The following GLIS3 variants were observed in gnomAD, a reference collection of about 807,000 sequenced individuals.
The protein encoded by GLIS3 is GLIS family zinc finger 3.
Under a neutral mutation model 78.6 loss-of-function variants are expected in GLIS3, and 53 were observed. The ratio of observed to expected loss-of-function variants is 0.67; its 90% confidence interval spans 0.54 to 0.85. GLIS3 has a LOEUF of 0.85. Among genes scored for constraint, GLIS3 ranks in the 40% least tolerant of loss-of-function variants. GLIS3 has a pLI of 0.00. For synonymous variants in GLIS3, 684 were observed against 509.9 expected (o/e 1.34, Z -4.60); for missense variants, 1,703 against 1,231.1 (o/e 1.38, Z -5.74).
chr9:4,127,710 A>T (rs1300297867), intron 2 of GLIS3, among the ~76,000 whole-genome samples: 1 of 152,172 alleles, frequency 6.6e-6, no homozygotes, highest in Non-Finnish European at 1.5e-5. Context: ...CTCTATATGA[A>T]TTCTTTCCCC....
chr9:4,418,933 A>C, the GLIS3 span, among the ~76,000 whole-genome samples: 1 of 152,212 alleles, frequency 6.6e-6, no homozygotes, highest in Non-Finnish European at 1.5e-5. Flanking sequence ...GTAGAAATGT[A>C]GACTGTGAAG....
chr9:4,293,468 G>A (rs554899797), intron 1 of GLIS3, among the ~76,000 whole-genome samples: 1 of 152,184 alleles, frequency 6.6e-6, no homozygotes, highest in Admixed American at 6.5e-5. Flanking sequence ...CAATGACTAG[G>A]CCCTTAACCA....
At chr9:4,268,799 G>A (rs1826241425) in intron 2 of GLIS3, among the ~76,000 whole-genome samples, 1 of 152,042 alleles carries the variant, frequency 6.6e-6, no homozygotes, top group South Asian at 2.1e-4. Context: ...GTACCAGCTG[G>A]GCAGCATCTC....
the GLIS3 span, among the ~76,000 whole-genome samples, chr9:4,398,481 G>A: frequency 3.3e-5 from 5 of 151,930 alleles, no homozygotes; most frequent in African/African-American, 1.2e-4. Context: ...TTGCCTTGGG[G>A]TCGTGGACAT....
the GLIS3 span, among the ~76,000 whole-genome samples, chr9:4,428,367 T>C: frequency 6.6e-6 from 1 of 150,606 alleles, no homozygotes; most frequent in Non-Finnish European, 1.5e-5. Flanking sequence ...TAGTCCCAGA[T>C]ACTTGGGAGG....
Position 3,827,233 on chromosome 9 carries a change from A to T in GLIS3, c.*1039T>A, listed in dbSNP as rs934014780. The T allele has an allele frequency of 1.3e-5, 2 of 152,208 alleles. No homozygotes were observed. The highest frequency in any genetic ancestry group is 2.4e-5 in the African/African-American group (1 of 41,440). The allele number at this position is 152,208 out of a possible 1,614,324, so 9.4% of individuals were successfully genotyped here. On this transcript the variant is annotated 3_prime_UTR_variant, in exon 11 of 11. Transcript: ENST00000381971. ...TCCTGAAAAACGTTAGTAAAATCTG[A>T]GCACTGGAAGTCAAGTATCACTAGG...
chr9:4,102,501 A>C (rs1313397982), intron 4 of GLIS3, among the ~76,000 whole-genome samples: 1 of 152,186 alleles, frequency 6.6e-6, no homozygotes, highest in African/African-American at 2.4e-5. Flanking sequence ...CAATGCCTGA[A>C]GACATGTTTG....
rs538760033 is a variant in GLIS3, at chr9:4,253,723, C to T, written c.388+32315G>A. Among the ~76,000 whole-genome samples the T allele has an allele frequency of 5.2e-4, 79 of 152,310 alleles. 1 individual carries two copies. The highest frequency in any genetic ancestry group is 1.0e-3 in the South Asian group (5 of 4,824). On this transcript the variant is annotated intron_variant, in intron 2 of 10. Coordinates refer to ENST00000381971, the MANE Select transcript of GLIS3 (RefSeq NM_001042413.2). ...CGCCCAGTTTTGTGCTTGAAACCCACGGCCCTGGTGGTGTAGGCATCCAAG... is the reference window on the plus strand; with the variant it reads ...CGCCCAGTTTTGTGCTTGAAACCCATGGCCCTGGTGGTGTAGGCATCCAAG...
upstream of GLIS3, among the ~76,000 whole-genome samples, chr9:4,304,352 C>G (rs1817172897): frequency 6.6e-6 from 1 of 152,146 alleles, no homozygotes; most frequent in Admixed American, 6.5e-5. Context: ...TTCTGTACCC[C>G]TAGGCTTTTT....
intron 4 of GLIS3, among the ~76,000 whole-genome samples, chr9:4,000,555 A>G (rs961983277): frequency 2.0e-5 from 3 of 152,072 alleles, no homozygotes; most frequent in African/African-American, 7.2e-5. Context: ...ACCAGAGGGT[A>G]GAAAATATCT....
chr9:3,882,834 A>T (rs533569371), intron 7 of GLIS3, among the ~76,000 whole-genome samples: 2 of 152,320 alleles, frequency 1.3e-5, no homozygotes, highest in African/African-American at 4.8e-5. Flanking sequence ...CTTCTCTGGA[A>T]AACAAGGTCT....
At chr9:4,093,608 G>T (rs1190666650) in intron 4 of GLIS3, among the ~76,000 whole-genome samples, 1 of 152,112 alleles carries the variant, frequency 6.6e-6, no homozygotes. Context: ...GCCTTCTAGT[G>T]GTATGATAAG....
At position 4,286,526 on chromosome 9, in the gene GLIS3, G is replaced by C; in HGVS notation, c.-98-3C>G. On this transcript the variant is annotated splice_region_variant and splice_polypyrimidine_tract_variant and intron_variant, in intron 1 of 10. Transcript: ENST00000381971. ...TATCCATGGTGTGGGTTATAAGCCT[G>C]TTTAAAAAAATAAACGCAGGCATTT... The C allele has an allele frequency of 7.0e-7, 1 of 1,419,370 alleles. No homozygotes were observed. Among genetic ancestry groups the C allele is most frequent in the Non-Finnish European group, 9.7e-7 (1 of 1,025,830 alleles). 87.9% of individuals were successfully genotyped at this position (1,419,370 alleles called of 1,614,324 possible).
the GLIS3 span, among the ~76,000 whole-genome samples, chr9:4,422,909 G>T: frequency 1.3e-5 from 2 of 152,272 alleles, no homozygotes; most frequent in East Asian, 1.9e-4. Context: ...TGAACCCCAG[G>T]ACCCAGACTT....
intron 2 of GLIS3, among the ~76,000 whole-genome samples, chr9:4,338,862 T>C (rs940742166): frequency 6.6e-6 from 1 of 152,290 alleles, no homozygotes; most frequent in Non-Finnish European, 1.5e-5. Context: ...TTGGGGTATG[T>C]GCCTGAGTCT....
At chr9:3,953,785 CTCTCTCTCTCTATATATA>C (rs1393406030) in intron 4 of GLIS3, among the ~76,000 whole-genome samples, 59 of 42,312 alleles carry the variant, frequency 1.4e-3, no homozygotes, top group Middle Eastern at 0.017. Flanking sequence ...CTCTCTCTCT[CTCTCTCTCTCTATATATA>C]TATATATATA....
chr9:4,392,741 C>G, the GLIS3 span, among the ~76,000 whole-genome samples: 2 of 152,156 alleles, frequency 1.3e-5, no homozygotes, highest in Non-Finnish European at 2.9e-5. Flanking sequence ...TAATTATTTG[C>G]TTCTGCTATC....
chr9:4,255,232 G>A (rs1020833617), intron 2 of GLIS3, among the ~76,000 whole-genome samples: 3 of 152,302 alleles, frequency 2.0e-5, no homozygotes, highest in East Asian at 1.9e-4. Flanking sequence ...CAAGAATGTG[G>A]AGCAACAGGA....
At chr9:4,329,605 C>A (rs62546171) in intron 2 of GLIS3, among the ~76,000 whole-genome samples, 21,600 of 151,976 alleles carry the variant, frequency 0.14, 1,864 homozygotes, top group Admixed American at 0.27. Context: ...CACAACCCCA[C>A]CCTCTATCTC....
Sources: allele counts gnomAD v4.1 joint callset (sites outside exome capture counted in the v4.1 genomes callset), GRCh38; gene constraint gnomAD v4.1.1; transcripts MANE v1.5; gene names NCBI Gene and HGNC (gene_info 2026-07-23, HGNC 2026-07-21).